Variants in RNF38 observed in about 807,000 individuals in gnomAD.
RNF38 encodes the protein E3 ubiquitin-protein ligase RNF38.
Under a neutral mutation model 67.2 loss-of-function variants are expected in RNF38, and 15 were observed. The observed-to-expected ratio is 0.22, with a 90% CI of 0.15 to 0.34. RNF38 has a LOEUF of 0.34. RNF38 is among the 10% of genes least tolerant of loss of function. The pLI, the probability that RNF38 is intolerant of heterozygous loss-of-function variation, is 1.00. For synonymous variants in RNF38, 220 were observed against 218.8 expected, an observed-to-expected ratio of 1.01 and a Z score of -0.05; for missense variants, 524 against 639.9, an observed-to-expected ratio of 0.82 and a Z score of 1.95.
intron 2 of RNF38, among the ~76,000 whole-genome samples, chr9:36,412,199 C>G (rs997412498): frequency 3.9e-5 from 6 of 152,238 alleles, no homozygotes; most frequent in Non-Finnish European, 4.4e-5. Flanking sequence ...AAGCTCATCT[C>G]ATACCATTCC....
chr9:36,409,299 GAGAAAGAAAAAGAAAGAA>G (rs1256187811), intron 2 of RNF38, among the ~76,000 whole-genome samples: 1,584 of 149,278 alleles, frequency 0.011, 23 homozygotes, highest in African/African-American at 0.034. Context: ...AAGAAAGAGA[GAGAAAGAAAAAGAAAGAA>G]AGAAAGAAAA....
intron 9 of RNF38, among the ~76,000 whole-genome samples, chr9:36,348,032 C>T (rs545147525): frequency 1.1e-4 from 16 of 152,050 alleles, no homozygotes; most frequent in African/African-American, 2.7e-4. Context: ...GCCGAGATTG[C>T]GCCACGGCAC....
rs1266385075 is a variant in RNF38 at position 36,363,618 on chromosome 9, A to G, written c.571-5676T>C. Among the ~76,000 whole-genome samples the G allele has an allele frequency of 2.0e-5, 2 of 100,378 alleles. 1 individual carries two copies. Among genetic ancestry groups the G allele is most frequent in the African/African-American group, 6.0e-5 (2 of 33,380 alleles). The allele number at this position is 100,378 out of a possible 152,430, so 65.9% of individuals were successfully genotyped here. A position where few individuals can be genotyped will look rare whatever the true frequency, so the allele number is the denominator to read the frequency against. ...TCATGCGTGGCTTAACGATGGAGAT[A>G]CATTCTGAGAAATGTGTCATTAGGT... is the stretch of plus-strand genomic sequence containing the variant. On this transcript the variant is annotated intron_variant, in intron 4 of 11. Transcript: ENST00000259605.
At position 36,420,532 on chromosome 9, in the gene RNF38, C is replaced by CAAAAAAAAAAAAAAAAAAAAAAAAAA. The variant is rs59641483; in HGVS notation, n.312+4080_312+4081insTTTTTTTTTTTTTTTTTTTTTTTTTT. 1.6e-3 allele frequency among the ~76,000 whole-genome samples: 117 copies of CAAAAAAAAAAAAAAAAAAAAAAAAAA among 73,232 alleles called. 6 individuals carry two copies. The highest frequency in any genetic ancestry group is 2.8e-3 in the Non-Finnish European group (87 of 31,088). 48.0% of individuals were successfully genotyped at this position (73,232 alleles called of 152,430 possible). A position where few individuals can be genotyped will look rare whatever the true frequency, so the allele number is the denominator to read the frequency against. Reference sequence around the variant, plus strand: ...GGGCAACAGAGCAAGACTCTGTCTCCAAAAAAAAAAAAAAAGAGGACAACC... The same window carrying CAAAAAAAAAAAAAAAAAAAAAAAAAA: ...GGGCAACAGAGCAAGACTCTGTCTCCAAAAAAAAAAAAAAAAAAAAAAAAAAAAAAAAAAAAAAAAAGAGGACAACC... On this transcript the variant is annotated intron_variant and non_coding_transcript_variant, in intron 2 of 3. Transcript: ENST00000488058.
chr9:36,452,086 G>A (rs1839466041), intron 1 of RNF38, among the ~76,000 whole-genome samples: 4 of 151,956 alleles, frequency 2.6e-5, no homozygotes, highest in Admixed American at 2.6e-4. Context: ...AGACACACAC[G>A]ATGCCGTGTG....
At chr9:36,370,709 C>A (rs1177329483) in intron 3 of RNF38, among the ~76,000 whole-genome samples, 1 of 151,976 alleles carries the variant, frequency 6.6e-6, no homozygotes, top group African/African-American at 2.4e-5. Context: ...AGTTCGAGAC[C>A]AGACTGGGAA....
chr9:36,428,789 C>T (rs949539730), intron 1 of RNF38, among the ~76,000 whole-genome samples: 1 of 152,152 alleles, frequency 6.6e-6, no homozygotes, highest in African/African-American at 2.4e-5. Flanking sequence ...ATTCTAAAGA[C>T]AGCCCTGAGC....
intron 1 of RNF38, among the ~76,000 whole-genome samples, chr9:36,396,388 T>C (rs1370684181): frequency 1.3e-5 from 2 of 152,160 alleles, no homozygotes; most frequent in Non-Finnish European, 2.9e-5. Context: ...GAGCTACTGA[T>C]GCATGCTGTG....
intron 1 of RNF38, among the ~76,000 whole-genome samples, chr9:36,486,198 T>C (rs1587231210): frequency 6.6e-6 from 1 of 152,194 alleles, no homozygotes; most frequent in Non-Finnish European, 1.5e-5. Flanking sequence ...CTGTAACACG[T>C]TGCTCTCTCC....
chr9:36,352,009 A>G (rs1833728785), intron 8 of RNF38, among the ~76,000 whole-genome samples: 1 of 152,214 alleles, frequency 6.6e-6, no homozygotes, highest in African/African-American at 2.4e-5. Context: ...ACAGAAATAA[A>G]TAATTACTGG....
intron 1 of RNF38, among the ~76,000 whole-genome samples, chr9:36,447,954 C>A (rs573150996): frequency 2.0e-5 from 3 of 152,352 alleles, no homozygotes; most frequent in South Asian, 4.1e-4. Context: ...CCCCTAAGTT[C>A]TTCTGAACTA....
rs1009122872 is a variant in RNF38 at position 36,337,971 on chromosome 9, T to C, written c.*1781A>G. On this transcript the variant is annotated 3_prime_UTR_variant, in exon 12 of 12. Transcript: ENST00000259605. ...TTAACTCTAGGCTGTGATGAGCTTATAGACACTTCAAGGGAGGGCAAGCAG... is the reference window on the plus strand; with the variant it reads ...TTAACTCTAGGCTGTGATGAGCTTACAGACACTTCAAGGGAGGGCAAGCAG... The C allele has an allele frequency of 5.9e-5, 9 of 152,646 alleles. No homozygotes were observed. Among genetic ancestry groups the C allele is most frequent in the African/African-American group, 1.4e-4 (6 of 41,458 alleles). 9.5% of individuals were successfully genotyped at this position (152,646 alleles called of 1,614,324 possible).
intron 2 of RNF38, among the ~76,000 whole-genome samples, chr9:36,424,116 A>G (rs1327681964): frequency 6.6e-6 from 1 of 152,248 alleles, no homozygotes; most frequent in Non-Finnish European, 1.5e-5. Flanking sequence ...TGTATGAACC[A>G]GATCGATTCA....
intron 2 of RNF38, among the ~76,000 whole-genome samples, chr9:36,386,326 C>T (rs1836634167): frequency 6.6e-6 from 1 of 152,118 alleles, no homozygotes. Context: ...AAAAACAATT[C>T]TGAAAGCTCT....
At chr9:36,400,733 G>A (rs1837953890), upstream of RNF38, 2 of 985,622 alleles carry the variant, frequency 2.0e-6, no homozygotes, top group Non-Finnish European at 2.4e-6. Context: ...CCTTCCTCCC[G>A]GCACCATCAC....
chr9:36,397,450 G>T (rs1157471115), intron 1 of RNF38, among the ~76,000 whole-genome samples: 4 of 152,140 alleles, frequency 2.6e-5, no homozygotes, highest in African/African-American at 9.7e-5. Flanking sequence ...AGTATTAGGA[G>T]AAACCATTCA....
chr9:36,358,770 G>A (rs908558351), intron 4 of RNF38, among the ~76,000 whole-genome samples: 1 of 152,164 alleles, frequency 6.6e-6, no homozygotes, highest in Non-Finnish European at 1.5e-5. Flanking sequence ...AACACTTTGG[G>A]AGGCCGAGGT....
At position 36,390,465 on chromosome 9, in the gene RNF38, A is replaced by G. The variant is rs778217207; in HGVS notation, c.162+2T>C. The G allele has an allele frequency of 6.2e-7, 1 of 1,611,906 alleles. No homozygotes were observed. The highest frequency in any genetic ancestry group is 1.3e-5 in the African/African-American group (1 of 74,724). On this transcript the variant is annotated splice_donor_variant, in intron 2 of 11. Transcript: ENST00000259605. LOFTEE classifies it high-confidence loss of function. ...GTAGGGAAAGGGTAAATATATAAGA[A>G]CCTGGAAGAAAGCTTTGAAGTGAGC...
At chr9:36,448,052 C>T (rs2134323349) in intron 1 of RNF38, among the ~76,000 whole-genome samples, 1 of 152,288 alleles carries the variant, frequency 6.6e-6, no homozygotes, top group Non-Finnish European at 1.5e-5. Flanking sequence ...AAGCTCATCA[C>T]ATCTACAATT....
Sources: gnomAD v4.1 joint callset for allele counts (sites outside exome capture counted in the v4.1 genomes callset) on GRCh38, gnomAD v4.1.1 for gene constraint, MANE v1.5 for transcripts, NCBI Gene and HGNC (gene_info 2026-07-23, HGNC 2026-07-21) for gene names.